Variants in PIGL observed in about 807,000 individuals in gnomAD.
PIGL encodes the protein phosphatidylinositol glycan anchor biosynthesis class L, also known as N-acetylglucosaminyl-phosphatidylinositol de-N-acetylase.
A neutral mutation model predicts 31.1 loss-of-function variants in PIGL; 22 were observed. That is an observed-to-expected ratio of 0.71 (90% confidence interval 0.51 to 1.01). The LOEUF is 1.01. Ranked by LOEUF, PIGL falls within the 50% of genes least tolerant of loss-of-function variation. The pLI, the probability that PIGL is intolerant of heterozygous loss-of-function variation, is 0.00. For synonymous variants in PIGL, 131 were observed against 117.4 expected, an observed-to-expected ratio of 1.12 and a Z score of -0.75; for missense variants, 302 against 315.9, an observed-to-expected ratio of 0.96 and a Z score of 0.33.
chr17:16,225,442 G>A, intron 1 of PIGL, among the ~76,000 whole-genome samples: 1 of 136,818 alleles, frequency 7.3e-6, no homozygotes, highest in South Asian at 2.3e-4. Flanking sequence ...AGGCTGAAGT[G>A]CAGTGGCACA....
At chr17:16,317,933 C>T (rs1250879950) in intron 6 of PIGL, 25 bp downstream of exon 6, 4 of 1,570,748 alleles carry the variant, frequency 2.5e-6, no homozygotes, top group Non-Finnish European at 3.4e-6. Context: ...TTCCTGGACA[C>T]CCCAACTCAG....
At chr17:16,300,075 C>T in intron 3 of PIGL, 97 bp downstream of exon 3, 1 of 870,280 alleles carries the variant, frequency 1.1e-6, no homozygotes, top group Non-Finnish European at 1.9e-6. Flanking sequence ...CTCCCACTTC[C>T]AGTCCTTCTC....
rs1278569604 is a variant in PIGL at position 16,229,857 on chromosome 17, G to A, written c.236-4114G>A. ...GATTCTAGTTTCATTTTAAAGTCAT[G>A]ATTTTTTTTTTTTTTTTTTTTTTGA... On this transcript the variant is annotated intron_variant, in intron 1 of 6. Transcript: ENST00000225609. Among the ~76,000 whole-genome samples, 5 of 52,924 alleles carry A rather than the reference G, an allele frequency of 9.4e-5. No homozygotes were observed. In the East Asian group the frequency reaches 2.2e-3, roughly 24 times the overall value. The allele number at this position is 52,924 out of a possible 152,430, so 34.7% of individuals were successfully genotyped here.
intron 2 of PIGL, among the ~76,000 whole-genome samples, chr17:16,269,895 A>G (rs1048672866): frequency 6.6e-6 from 1 of 152,040 alleles, no homozygotes; most frequent in Admixed American, 6.6e-5. Flanking sequence ...TCAAGTATTC[A>G]ACCAAGATTG....
intron 2 of PIGL, among the ~76,000 whole-genome samples, chr17:16,244,788 C>T (rs2092737414): frequency 6.6e-6 from 1 of 152,098 alleles, no homozygotes; most frequent in Non-Finnish European, 1.5e-5. Context: ...GACCCTCCTG[C>T]CTCAGTCTCC....
intron 2 of PIGL, among the ~76,000 whole-genome samples, chr17:16,268,058 G>A (rs968441568): frequency 4.6e-5 from 7 of 152,204 alleles, no homozygotes; most frequent in African/African-American, 1.7e-4. Context: ...TAACAGCAGA[G>A]ATGGAGCACA....
At chr17:16,303,936 G>C (rs1466760603) in intron 3 of PIGL, among the ~76,000 whole-genome samples, 6 of 152,068 alleles carry the variant, frequency 3.9e-5, no homozygotes, top group Admixed American at 6.6e-5. Context: ...GGATGGTCTC[G>C]ATCTCCTGAC....
At chr17:16,237,823 A>T (rs2092705813) in intron 2 of PIGL, among the ~76,000 whole-genome samples, 1 of 151,602 alleles carries the variant, frequency 6.6e-6, no homozygotes, top group African/African-American at 2.4e-5. Context: ...AAAAAAAAAA[A>T]AATTGAATCT....
intron 3 of PIGL, among the ~76,000 whole-genome samples, chr17:16,302,311 T>C (rs113943349): frequency 1.2e-3 from 185 of 152,270 alleles, no homozygotes; most frequent in African/African-American, 2.3e-3. Context: ...GTTAGATCCA[T>C]GGGCTTAGGA....
intron 2 of PIGL, among the ~76,000 whole-genome samples, chr17:16,287,221 C>G (rs900708964): frequency 2.0e-5 from 3 of 150,870 alleles, no homozygotes; most frequent in Non-Finnish European, 2.9e-5. Context: ...GCTGTCTGCC[C>G]CAGGGCTTGC....
intron 3 of PIGL, among the ~76,000 whole-genome samples, chr17:16,309,112 G>A (rs889136037): frequency 6.6e-6 from 1 of 152,166 alleles, no homozygotes; most frequent in African/African-American, 2.4e-5. Flanking sequence ...TTTTGAGGTT[G>A]TGGTAATAGC....
intron 2 of PIGL, among the ~76,000 whole-genome samples, chr17:16,274,778 T>C (rs1160319255): frequency 6.7e-6 from 1 of 149,944 alleles, no homozygotes; most frequent in African/African-American, 2.5e-5. Context: ...ACTCCTGTAA[T>C]ATCAGCGTTT....
intron 2 of PIGL, among the ~76,000 whole-genome samples, chr17:16,262,486 C>G (rs558564845): frequency 1.3e-5 from 2 of 152,066 alleles, no homozygotes; most frequent in African/African-American, 4.8e-5. Flanking sequence ...AAAAATGATG[C>G]AGCCACCACA....
At chr17:16,245,901 G>T (rs1297737924) in intron 2 of PIGL, among the ~76,000 whole-genome samples, 1 of 151,008 alleles carries the variant, frequency 6.6e-6, no homozygotes, top group Non-Finnish European at 1.5e-5. Flanking sequence ...CTCGCTTCAA[G>T]CTCTGCCTCC....
chr17:16,257,961 G>T (rs2092801393), intron 2 of PIGL, among the ~76,000 whole-genome samples: 1 of 151,136 alleles, frequency 6.6e-6, no homozygotes, highest in African/African-American at 2.4e-5. Flanking sequence ...TACTTGGGAG[G>T]TTGAGGTGGG....
At chr17:16,268,052 A>G (rs1265167265) in intron 2 of PIGL, among the ~76,000 whole-genome samples, 4 of 152,210 alleles carry the variant, frequency 2.6e-5, no homozygotes, top group African/African-American at 9.6e-5. Flanking sequence ...CCGTGGTAAC[A>G]GCAGAGATGG....
At chr17:16,274,945 T>C (rs2092888395) in intron 2 of PIGL, among the ~76,000 whole-genome samples, 1 of 150,398 alleles carries the variant, frequency 6.6e-6, no homozygotes, top group African/African-American at 2.5e-5. Flanking sequence ...GGCAGGAGAA[T>C]GGCTGGAACC....
chr17:16,268,017 G>C (rs1048269488), intron 2 of PIGL, among the ~76,000 whole-genome samples: 1 of 152,186 alleles, frequency 6.6e-6, no homozygotes, highest in African/African-American at 2.4e-5. Flanking sequence ...CCAGGGAGGG[G>C]AGGAGACTGT....
rs201857364 is a variant in PIGL at position 16,277,485 on chromosome 17, AGAAAGGATCAG to A, written c.336-22402_336-22392del. On this transcript the variant is annotated intron_variant, in intron 2 of 6. Transcript: ENST00000225609. ...AATTTCCTTGGCTCTGAAAAACAAAAGAAAGGATCAGCAACGTTTTAAGCCAAAAGTTAAAA... is the reference window on the plus strand; with the variant it reads ...AATTTCCTTGGCTCTGAAAAACAAAACAACGTTTTAAGCCAAAAGTTAAAA... Among the ~76,000 whole-genome samples, 850 of 152,286 alleles carry A rather than the reference AGAAAGGATCAG, an allele frequency of 5.6e-3. 10 individuals are homozygous for A. Among genetic ancestry groups the A allele is most frequent in the African/African-American group, 0.019 (784 of 41,562 alleles).
Sources: gnomAD v4.1 joint callset for allele counts (sites outside exome capture counted in the v4.1 genomes callset) on GRCh38, gnomAD v4.1.1 for gene constraint, MANE v1.5 for transcripts, NCBI Gene and HGNC (gene_info 2026-07-23, HGNC 2026-07-21) for gene names.